Variants in GRIN2D observed in about 807,000 individuals in gnomAD.
GRIN2D encodes glutamate ionotropic receptor NMDA type subunit 2D.
Under a neutral mutation model 103.2 loss-of-function variants are expected in GRIN2D, and 37 were observed. The ratio of observed to expected loss-of-function variants is 0.36; its 90% CI spans 0.28 to 0.47. GRIN2D has a LOEUF of 0.47. Ranked by LOEUF, GRIN2D falls within the 20% of genes least tolerant of loss-of-function variation. The probability of loss-of-function intolerance (pLI) is 1.00; values close to 1 mark genes in which losing one functional copy is unlikely to be tolerated. For missense variants in GRIN2D, 1,557 were observed against 1,910.6 expected (o/e 0.81, Z 3.45); for synonymous variants, 845 against 885.6 (o/e 0.95, Z 0.81).
chr19:48,404,745 C>T lies in GRIN2D; in HGVS notation c.477C>T (p.Ser159=). The T allele has an allele frequency of 1.2e-6, 2 of 1,602,532 alleles. No homozygotes were observed. ...ALVLTPKEKG[S]TFLQLGSSTE... The stretch of plus-strand genomic sequence containing the variant: ...TCCCTCCCTGGCAGGAGAAGGGCTC[C>T]ACCTTCCTGCAGCTGGGCTCTTCCA... Residue 159 remains serine (S), a synonymous_variant, in exon 4 of 14, where the codon TCC becomes TCT. Transcript: ENST00000263269.
chr19:48,438,741 A>G (rs551504117), intron 11 of GRIN2D, among the ~76,000 whole-genome samples: 8 of 151,790 alleles, frequency 5.3e-5, no homozygotes, highest in Non-Finnish European at 1.0e-4. Flanking sequence ...GCCAATATGA[A>G]CTCATATTCT....
intron 11 of GRIN2D, among the ~76,000 whole-genome samples, chr19:48,427,482 T>C (rs1050623610): frequency 2.4e-4 from 32 of 131,580 alleles, no homozygotes; most frequent in Non-Finnish European, 4.5e-4. Context: ...CTTTTTTTTT[T>C]TTTTTTTTTT....
At chr19:48,419,871 C>A in intron 10 of GRIN2D, 57 bp downstream of exon 10, 4 of 899,422 alleles carry the variant, frequency 4.4e-6, no homozygotes, top group Non-Finnish European at 6.5e-6. Context: ...GGTCACAGAG[C>A]TTGTCATGTG....
chr19:48,414,932 G>A lies in GRIN2D; in HGVS notation c.1481G>A (p.Arg494Gln), dbSNP rs199554577. The change falls in exon 7 of 14, where the codon CGG (arginine) becomes CAG (glutamine). Residue 494 changes from arginine to glutamine, a missense_variant. Around this residue, in one of 7 missense-constraint regions of GRIN2D, gnomAD observed 197 missense variants for 334.1 expected, o/e 0.59. Coordinates refer to ENST00000263269, the MANE Select transcript of GRIN2D (RefSeq NM_000836.4). This position sits in a 1 kb window ranked among gnomAD's most constrained non-coding sequence, Gnocchi z 4.6. ...GGTTTCTGCATCGACATTCTGAAGCGGCTGGCGCATACCATCGGCTTCAGC... is the reference window on the plus strand; with the variant it reads ...GGTTTCTGCATCGACATTCTGAAGCAGCTGGCGCATACCATCGGCTTCAGC... The part of the protein sequence containing the change: ...CKGFCIDILK[R>Q]LAHTIGFSYD... The A allele has an allele frequency of 1.2e-6, 2 of 1,614,076 alleles. No individual in the cohort carries two copies. Among genetic ancestry groups the A allele is most frequent in the East Asian group, 4.5e-5 (2 of 44,874 alleles).
chr19:48,406,505 G>A lies in GRIN2D; in HGVS notation c.1085+1152G>A, dbSNP rs1048913526. Among the ~76,000 whole-genome samples the A allele has an allele frequency of 1.4e-4, 21 of 152,136 alleles. 1 individual carries two copies. Among genetic ancestry groups the A allele is most frequent in the African/African-American group, 3.6e-4 (15 of 41,436 alleles). The stretch of plus-strand genomic sequence containing the variant: ...GGAAGAGATGATGGTTGGGGAAGAA[G>A]ACCTAAGAGAGGGTAATTGAGAACT... On this transcript the variant is annotated intron_variant, in intron 4 of 13. Transcript: ENST00000263269.
rs545090750 is a variant in GRIN2D, at chr19:48,440,418, C to T, written c.2253-1351C>T. Among the ~76,000 whole-genome samples, 5 of 152,100 alleles carry T rather than the reference C, an allele frequency of 3.3e-5. No individual in the cohort carries two copies. In the East Asian group the frequency reaches 9.7e-4, roughly 30 times the overall value. ...GCCCAGCCTGGGCAACATGGAAAAA[C>T]CCTGTCTCTACAAAAAATACAAAAA... On this transcript the variant is annotated intron_variant, in intron 11 of 13. Transcript: ENST00000263269.
intron 4 of GRIN2D, among the ~76,000 whole-genome samples, chr19:48,409,262 G>T (rs1389302144): frequency 2.0e-5 from 3 of 149,652 alleles, no homozygotes; most frequent in African/African-American, 7.5e-5. Context: ...AATGGCAATG[G>T]CAATTAAATT....
At chr19:48,419,527 TTC>T in intron 9 of GRIN2D, 56 bp from the exon 10 acceptor site, 2 of 1,396,540 alleles carry the variant, frequency 1.4e-6, no homozygotes, top group Non-Finnish European at 9.9e-7. Flanking sequence ...TTTTTTTTTT[TTC>T]CCTTCCTTAT....
chr19:48,397,064 T>C (rs935770886), intron 2 of GRIN2D, among the ~76,000 whole-genome samples: 5 of 151,944 alleles, frequency 3.3e-5, no homozygotes, highest in African/African-American at 9.7e-5. Flanking sequence ...ATTTACCAAA[T>C]TGCTCTGGGC....
rs140261568 is a variant in GRIN2D, at chr19:48,404,578, T to C, written c.466-156T>C. Among the ~76,000 whole-genome samples the C allele has an allele frequency of 7.2e-5, 11 of 152,340 alleles. No individual in the cohort carries two copies. In the East Asian group the frequency reaches 2.1e-3, roughly 29 times the overall value. ...TAACTCATCACGTGGCTAAACCTAA[T>C]CCAGATCTAGCCCTGTGCCCCAGGA... On this transcript the variant is annotated intron_variant, in intron 3 of 13. Coordinates refer to ENST00000263269, the MANE Select transcript of GRIN2D (RefSeq NM_000836.4).
intron 11 of GRIN2D, among the ~76,000 whole-genome samples, chr19:48,435,824 C>T (rs759155218): frequency 2.0e-5 from 3 of 152,222 alleles, no homozygotes; most frequent in Non-Finnish European, 2.9e-5. Flanking sequence ...GTGAATCAGA[C>T]GGGCAAAGTC....
intron 7 of GRIN2D, 103 bp downstream of exon 7, chr19:48,415,135 C>T (rs1970928509): frequency 8.3e-6 from 9 of 1,083,560 alleles, no homozygotes; most frequent in Non-Finnish European, 1.2e-5. Flanking sequence ...CTTTGGGAAG[C>T]CGAGGCGGGC....
chr19:48,423,354 C>T (rs1211198009), intron 11 of GRIN2D, among the ~76,000 whole-genome samples: 2 of 152,186 alleles, frequency 1.3e-5, no homozygotes, highest in Non-Finnish European at 2.9e-5. Context: ...CTGCTGTACG[C>T]TAAGCGGTGA....
chr19:48,443,958 C>G lies in GRIN2D; in HGVS notation c.*21C>G. On this transcript the variant is annotated 3_prime_UTR_variant, in exon 14 of 14. Transcript: ENST00000263269. The surrounding 1 kb of genome is among the most constrained non-coding windows in gnomAD (Gnocchi z 8.9). ...TATGACGCGGCCCCGGGGGCCCCAC[C>G]GCCCCCTTGGTCAGCGCAGGCCACG... The G allele has an allele frequency of 7.3e-7, 1 of 1,371,730 alleles. No individual in the cohort carries two copies. The highest frequency in any genetic ancestry group is 2.7e-4 in the Middle Eastern group (1 of 3,722). 85.0% of individuals were successfully genotyped at this position (1,371,730 alleles called of 1,614,324 possible).
intron 11 of GRIN2D, among the ~76,000 whole-genome samples, chr19:48,431,442 CT>C (rs1971153872): frequency 6.6e-6 from 1 of 152,156 alleles, no homozygotes; most frequent in Non-Finnish European, 1.5e-5. Flanking sequence ...GGAAGAGTCA[CT>C]CTATTGTTTT....
At chr19:48,397,239 A>G (rs559451882) in intron 2 of GRIN2D, among the ~76,000 whole-genome samples, 1 of 152,192 alleles carries the variant, frequency 6.6e-6, no homozygotes, top group Admixed American at 6.5e-5. Context: ...GGTGAGGAGT[A>G]AGGTCATGTG....
chr19:48,442,763 C>T lies in GRIN2D; in HGVS notation c.2837C>T (p.Thr946Ile). Reference protein sequence around the residue: ...ERASVDRWRRTKGAGPPGGAG... With the variant: ...ERASVDRWRRIKGAGPPGGAG... ...GCCTCAGTGGACCGCTGGCGCCGGA[C>T]CAAGGGCGCGGGGCCGCCGGGGGGC... The change falls in exon 14 of 14, where the codon ACC becomes ATC. Residue 946 changes from threonine to isoleucine, a missense_variant. By Grantham distance (89) the Thr-to-Ile change is moderately conservative. Around this residue, in one of 7 missense-constraint regions of GRIN2D, gnomAD observed 632 missense variants for 572.8 expected, o/e 1.10. Coordinates refer to ENST00000263269, the MANE Select transcript of GRIN2D (RefSeq NM_000836.4). The surrounding 1 kb of genome is among the most constrained non-coding windows in gnomAD (Gnocchi z 7.2). 9.3e-7 allele frequency: 1 copy of T among 1,077,110 alleles called. No individual in the cohort carries two copies. Among genetic ancestry groups the T allele is most frequent in the Non-Finnish European group, 1.1e-6 (1 of 890,006 alleles). The allele number at this position is 1,077,110 out of a possible 1,614,324, so 66.7% of individuals were successfully genotyped here. A position where few individuals can be genotyped will look rare whatever the true frequency, so the allele number is the denominator to read the frequency against.
At position 48,442,747 on chromosome 19, in the gene GRIN2D, G is replaced by A; in HGVS notation, c.2821G>A (p.Asp941Asn). 2 of 1,091,304 alleles carry A rather than the reference G, an allele frequency of 1.8e-6. No homozygotes were observed. Among genetic ancestry groups the A allele is most frequent in the South Asian group, 3.5e-5 (1 of 28,388 alleles). 67.6% of individuals were successfully genotyped at this position (1,091,304 alleles called of 1,614,324 possible). Residue 941 changes from aspartate to asparagine, a missense_variant, in exon 14 of 14, where the codon GAC becomes AAC. By Grantham distance (23) the Asp-to-Asn change is conservative. This residue lies in a region of GRIN2D where 632 missense variants were observed against 572.8 expected (regional missense o/e 1.10). Transcript: ENST00000263269. This position sits in a 1 kb window ranked among gnomAD's most constrained non-coding sequence, Gnocchi z 7.2. The stretch of plus-strand genomic sequence containing the variant: ...CGTGCCCCGCGAGCGCGCCTCAGTG[G>A]ACCGCTGGCGCCGGACCAAGGGCGC... ...PFVPRERASV[D>N]RWRRTKGAGP... is the part of the protein sequence containing the mutation.
rs558749972 is a variant in GRIN2D at position 48,443,600 on chromosome 19, G to T, written c.3674G>T (p.Arg1225Leu). The change falls in exon 14 of 14, where the codon CGC becomes CTC. Residue 1225 changes from arginine (R) to leucine (L), a missense_variant. Around this residue, in one of 7 missense-constraint regions of GRIN2D, gnomAD observed 632 missense variants for 572.8 expected, o/e 1.10. Transcript: ENST00000263269. The surrounding 1 kb of genome is among the most constrained non-coding windows in gnomAD (Gnocchi z 8.9). ...AAGPLPRRRA[R>L]CGCPRSHPHR... Reference sequence around the variant, plus strand: ...GGGCCCCTGCCCCGACGCCGGGCCCGCTGCGGGTGCCCGCGGTCGCACCCG... The same window carrying T: ...GGGCCCCTGCCCCGACGCCGGGCCCTCTGCGGGTGCCCGCGGTCGCACCCG... 56 of 1,143,794 alleles carry T rather than the reference G, an allele frequency of 4.9e-5. No individual in the cohort carries two copies. Among genetic ancestry groups the T allele is most frequent in the Middle Eastern group, 7.3e-4 (2 of 2,756 alleles). The allele number at this position is 1,143,794 out of a possible 1,614,324, so 70.9% of individuals were successfully genotyped here. A position where few individuals can be genotyped will look rare whatever the true frequency, so the allele number is the denominator to read the frequency against.
Sources: gnomAD v4.1 joint callset for allele counts (sites outside exome capture counted in the v4.1 genomes callset) on GRCh38, gnomAD v4.1.1 for gene constraint, gnomAD v4.1.1 regional missense constraint, Gnocchi (gnomAD v3.1) non-coding constraint, MANE v1.5 for transcripts, NCBI Gene and HGNC (gene_info 2026-07-23, HGNC 2026-07-21) for gene names.